NFIA: variants seen among roughly 807,000 people sequenced by gnomAD.
NFIA encodes the protein nuclear factor I A, also known as nuclear factor 1 A-type.
In NFIA, 8 loss-of-function variants were observed where a neutral mutation model predicts 62.8. That is an observed-to-expected ratio of 0.13 (90% CI 0.07 to 0.23). The LOEUF (loss-of-function observed/expected upper bound fraction) is 0.23. Among genes scored for constraint, NFIA ranks in the 10% least tolerant of loss-of-function variants. The probability of loss-of-function intolerance (pLI) is 1.00; values close to 1 mark genes in which losing one functional copy is unlikely to be tolerated. For missense variants in NFIA, 410 were observed against 642.1 expected, an observed-to-expected ratio of 0.64 and a Z score of 3.91; for synonymous variants, 235 against 238.1, an observed-to-expected ratio of 0.99 and a Z score of 0.12.
At chr1:61,435,060 A>G (rs1166148483) in intron 10 of NFIA, among the ~76,000 whole-genome samples, 1 of 152,208 alleles carries the variant, frequency 6.6e-6, no homozygotes, top group African/African-American at 2.4e-5. Context: ...CAGAAATGCC[A>G]TCAACATTTC....
chr1:61,419,272 T>A (rs1666495261), intron 9 of NFIA, among the ~76,000 whole-genome samples: 1 of 152,024 alleles, frequency 6.6e-6, no homozygotes, highest in East Asian at 1.9e-4. Flanking sequence ...GTGAGACCCC[T>A]ACTTCTACAA....
At chr1:61,299,830 A>C (rs1659397648) in intron 3 of NFIA, among the ~76,000 whole-genome samples, 1 of 152,208 alleles carries the variant, frequency 6.6e-6, no homozygotes, top group Non-Finnish European at 1.5e-5. Flanking sequence ...TTTAATAAAC[A>C]GAAAGAAAGT....
At chr1:61,286,510 C>T (rs1003702919) in intron 3 of NFIA, among the ~76,000 whole-genome samples, 2 of 151,786 alleles carry the variant, frequency 1.3e-5, no homozygotes, top group African/African-American at 4.8e-5. Context: ...ATAGAGCAGA[C>T]ATCCTGCTCT....
intron 2 of NFIA, among the ~76,000 whole-genome samples, chr1:61,191,736 A>AAT (rs1651640152): frequency 6.6e-6 from 1 of 152,068 alleles, no homozygotes; most frequent in Non-Finnish European, 1.5e-5. Flanking sequence ...CATCATACAA[A>AAT]ATGGGGGTGG....
At chr1:61,168,282 G>A (rs992286525) in intron 2 of NFIA, among the ~76,000 whole-genome samples, 1 of 152,100 alleles carries the variant, frequency 6.6e-6, no homozygotes, top group African/African-American at 2.4e-5. Flanking sequence ...ATTGACTTAT[G>A]TTTACATTAT....
intron 9 of NFIA, among the ~76,000 whole-genome samples, chr1:61,422,315 A>G (rs1666658779): frequency 6.6e-6 from 1 of 152,162 alleles, no homozygotes. Context: ...TAATATCTTA[A>G]TATCTTCTTC....
Position 61,359,704 on chromosome 1 carries a change from G to A in NFIA, c.946+430G>A, listed in dbSNP as rs528450723. Among the ~76,000 whole-genome samples the A allele has an allele frequency of 5.3e-4, 81 of 152,068 alleles. No individual in the cohort carries two copies. The East Asian group carries it at 5.4e-3, about 10-fold the overall frequency. On this transcript the variant is annotated intron_variant, in intron 6 of 10. Coordinates refer to ENST00000403491, the MANE Select transcript of NFIA (RefSeq NM_001134673.4). ...CCTCCTTCTTCTGCCTCAGCCTCCC[G>A]AGTAGCTGGGATTACAGGCACCTGC...
At chr1:61,165,959 A>G (rs1396642520) in intron 2 of NFIA, among the ~76,000 whole-genome samples, 4 of 152,210 alleles carry the variant, frequency 2.6e-5, no homozygotes, top group South Asian at 2.1e-4. Flanking sequence ...ATAAAAGGCA[A>G]AACTGTTTTA....
chr1:61,211,709 T>C (rs1424930198), intron 2 of NFIA, among the ~76,000 whole-genome samples: 1 of 152,196 alleles, frequency 6.6e-6, no homozygotes, highest in Non-Finnish European at 1.5e-5. Flanking sequence ...TCATTTTTAT[T>C]TTTTTCGAGA....
At chr1:61,315,595 T>C (rs1265905670) in intron 3 of NFIA, among the ~76,000 whole-genome samples, 1 of 152,142 alleles carries the variant, frequency 6.6e-6, no homozygotes, top group African/African-American at 2.4e-5. Flanking sequence ...AGATATTCAA[T>C]AAAGTATCAG....
rs1056901706 is a variant in NFIA, at chr1:61,397,186, T to A, written c.1076-6918T>A. ...CTGAAATTTAAGTAAAGGCAGGAAT[T>A]CACAGTATGTTTGGTCAGCAAAGAC... On this transcript the variant is annotated intron_variant, in intron 7 of 10. Transcript: ENST00000403491. Among the ~76,000 whole-genome samples the A allele has an allele frequency of 6.6e-5, 10 of 152,216 alleles. No individual in the cohort carries two copies. The East Asian group carries it at 1.2e-3, about 18-fold the overall frequency.
At chr1:61,128,849 GACTTTCCTAAGCTC>G (rs1284866503) in intron 2 of NFIA, among the ~76,000 whole-genome samples, 1 of 150,394 alleles carries the variant, frequency 6.6e-6, no homozygotes, top group Non-Finnish European at 1.5e-5. Flanking sequence ...TTAGTGAAGG[GACTTTCCTAAGCTC>G]ACAGACCCAG....
chr1:61,082,640 A>C lies in NFIA; in HGVS notation c.-152A>C. Reference sequence around the variant, plus strand: ...TGAGCCGACTTGGAAATGTGAACGCAAGAAGCAGGCTTGATTTTTTTTTCT... The same window carrying C: ...TGAGCCGACTTGGAAATGTGAACGCCAGAAGCAGGCTTGATTTTTTTTTCT... On this transcript the variant is annotated 5_prime_UTR_variant, in exon 1 of 11. Transcript: ENST00000403491. 6.6e-7 allele frequency: 1 copy of C among 1,518,504 alleles called. No individual in the cohort carries two copies. The highest frequency in any genetic ancestry group is 8.9e-7 in the Non-Finnish European group (1 of 1,128,054). The allele number at this position is 1,518,504 out of a possible 1,614,324, so 94.1% of individuals were successfully genotyped here.
At chr1:61,221,365 T>A (rs961059408) in intron 2 of NFIA, among the ~76,000 whole-genome samples, 1 of 152,100 alleles carries the variant, frequency 6.6e-6, no homozygotes, top group East Asian at 1.9e-4. Flanking sequence ...GAAAGATAAT[T>A]TGCAGCAGTT....
intron 2 of NFIA, among the ~76,000 whole-genome samples, chr1:61,266,414 C>T (rs1159596002): frequency 6.6e-6 from 1 of 151,712 alleles, no homozygotes; most frequent in Middle Eastern, 3.4e-3. Flanking sequence ...GAGTTTCACT[C>T]TGTGTCCCAG....
chr1:61,167,831 A>G (rs992258507), intron 2 of NFIA, among the ~76,000 whole-genome samples: 10 of 152,168 alleles, frequency 6.6e-5, no homozygotes, highest in Admixed American at 2.0e-4. Context: ...AAGGCATTTT[A>G]CAGCTTATTT....
At chr1:61,352,629 T>G (rs1026982209) in intron 5 of NFIA, 62 bp downstream of exon 5, 10 of 1,279,104 alleles carry the variant, frequency 7.8e-6, no homozygotes, top group Non-Finnish European at 1.1e-5. Context: ...TGATTTTAAC[T>G]CTGGGCCCAC....
chr1:61,177,244 C>T (rs981316130), intron 2 of NFIA, among the ~76,000 whole-genome samples: 5 of 152,066 alleles, frequency 3.3e-5, no homozygotes, highest in Admixed American at 1.3e-4. Context: ...GTAGAAGTAA[C>T]TGTATTTCCC....
intron 10 of NFIA, among the ~76,000 whole-genome samples, chr1:61,438,998 GACAC>G (rs3076170): frequency 0.063 from 8,889 of 141,830 alleles, 683 homozygotes; most frequent in African/African-American, 0.18. Context: ...CATGCATGCA[GACAC>G]ACACACACAC....
Sources: allele counts gnomAD v4.1 joint callset (sites outside exome capture counted in the v4.1 genomes callset), GRCh38; gene constraint gnomAD v4.1.1; transcripts MANE v1.5; gene names NCBI Gene and HGNC (gene_info 2026-07-23, HGNC 2026-07-21).